KCNIP1: variants seen among roughly 807,000 people sequenced by gnomAD.
KCNIP1 encodes A-type potassium channel modulatory protein KCNIP1.
KCNIP1 carries 18 observed loss-of-function variants against 33.0 expected under a neutral mutation model. That is an observed-to-expected ratio of 0.55 (90% CI 0.38 to 0.81). The LOEUF is 0.81. Ranked by LOEUF, KCNIP1 falls within the 30% of genes least tolerant of loss-of-function variation. The probability of loss-of-function intolerance (pLI) is 0.00; values close to 1 mark genes in which losing one functional copy is unlikely to be tolerated. For synonymous variants in KCNIP1, 93 were observed against 98.3 expected, an observed-to-expected ratio of 0.95 and a Z score of 0.32; for missense variants, 238 against 271.6, an observed-to-expected ratio of 0.88 and a Z score of 0.87.
At chr5:170,632,391 C>T (rs1382223775) in intron 1 of KCNIP1, among the ~76,000 whole-genome samples, 1 of 152,244 alleles carries the variant, frequency 6.6e-6, no homozygotes, top group Non-Finnish European at 1.5e-5. Context: ...TTCACCACTG[C>T]CCCCTGGCGC....
chr5:170,633,175 C>A (rs1479285709), intron 1 of KCNIP1, among the ~76,000 whole-genome samples: 1 of 151,946 alleles, frequency 6.6e-6, no homozygotes, highest in Admixed American at 6.5e-5. Context: ...GGGGCTTGGG[C>A]GGTGTGGGGC....
At chr5:170,727,783 A>G (rs1468635392) in intron 5 of KCNIP1, among the ~76,000 whole-genome samples, 1 of 151,930 alleles carries the variant, frequency 6.6e-6, no homozygotes, top group East Asian at 1.9e-4. Flanking sequence ...CAAAACAAAA[A>G]TTTAAAAATT....
chr5:170,490,984 T>C (rs11134630), intron 1 of KCNIP1, among the ~76,000 whole-genome samples: 145,771 of 152,332 alleles, frequency 0.96, 69,780 homozygotes, highest in East Asian at 1. Flanking sequence ...CTCAGGCTGA[T>C]CCCTTCAGCC....
chr5:170,437,713 G>T (rs936233818), intron 1 of KCNIP1, among the ~76,000 whole-genome samples: 1 of 152,180 alleles, frequency 6.6e-6, no homozygotes, highest in African/African-American at 2.4e-5. Flanking sequence ...AGCCACTCTG[G>T]ACAGGGTCCA....
intron 1 of KCNIP1, among the ~76,000 whole-genome samples, chr5:170,441,712 T>A (rs916662988): frequency 1.7e-4 from 26 of 151,946 alleles, no homozygotes; most frequent in Admixed American, 8.5e-4. Context: ...ACGCCTGTAA[T>A]CCCAGCACTT....
chr5:170,516,105 T>A (rs1284798973), intron 1 of KCNIP1, among the ~76,000 whole-genome samples: 4 of 152,180 alleles, frequency 2.6e-5, no homozygotes, highest in Non-Finnish European at 5.9e-5. Flanking sequence ...AGAGTCAGGC[T>A]GTCCATGTTC....
At chr5:170,366,826 G>A (rs1240784689) in intron 1 of KCNIP1, among the ~76,000 whole-genome samples, 2 of 152,206 alleles carry the variant, frequency 1.3e-5, no homozygotes, top group Non-Finnish European at 2.9e-5. Flanking sequence ...CACAGCCGAT[G>A]ACTCATAGAC....
chr5:170,356,526 G>A (rs61451561), intron 1 of KCNIP1, among the ~76,000 whole-genome samples: 4,774 of 152,270 alleles, frequency 0.031, 260 homozygotes, highest in African/African-American at 0.11. Context: ...TTATTGCAGA[G>A]ATAAACTGCT....
rs867118779 is a variant in KCNIP1, at chr5:170,512,994, G to A, written c.61+8361G>A. Among the ~76,000 whole-genome samples the A allele has an allele frequency of 5.3e-5, 8 of 151,926 alleles. No homozygotes were observed. The South Asian group carries it at 1.7e-3, about 32-fold the overall frequency. On this transcript the variant is annotated intron_variant, in intron 1 of 7. Transcript: ENST00000328939. ...GAACCCAGGAGGTGGAGCTTGCAGT[G>A]AGCCGAGATCGCGCCACTGCACTCC...
Position 170,646,828 on chromosome 5 carries a change from A to G in KCNIP1, c.62-71930A>G, listed in dbSNP as rs963355000. ...GTTTCCAGATGACATGATTATCTGT[A>G]TAGAAAATTGAAAAGAATCAACAAC... On this transcript the variant is annotated intron_variant, in intron 1 of 7. Transcript: ENST00000328939. Among the ~76,000 whole-genome samples, 60 of 152,204 alleles carry G rather than the reference A, an allele frequency of 3.9e-4. 1 individual carries two copies. The highest frequency in any genetic ancestry group is 1.8e-4 in the Non-Finnish European group (12 of 68,004).
intron 1 of KCNIP1, among the ~76,000 whole-genome samples, chr5:170,461,890 CT>C (rs1269075623): frequency 1.3e-5 from 2 of 152,124 alleles, no homozygotes; most frequent in Non-Finnish European, 2.9e-5. Context: ...AGGAATAGTG[CT>C]GGGATAATTG....
rs896674301 is a variant in KCNIP1, at chr5:170,735,859, T to C, written c.*53T>C. On this transcript the variant is annotated 3_prime_UTR_variant, in exon 8 of 8. Transcript: ENST00000328939. ...AGAGACATTGTACTAAACAACCACC[T>C]TAACACCCTGATCTGCCCTTGTTCT... 3.4e-6 allele frequency: 5 copies of C among 1,468,516 alleles called. No individual in the cohort carries two copies. Among genetic ancestry groups the C allele is most frequent in the Admixed American group, 3.3e-5 (2 of 59,770 alleles). 91.0% of individuals were successfully genotyped at this position (1,468,516 alleles called of 1,614,324 possible).
chr5:170,623,221 T>C (rs1379279931), intron 1 of KCNIP1, among the ~76,000 whole-genome samples: 6 of 149,504 alleles, frequency 4.0e-5, no homozygotes, highest in Non-Finnish European at 7.4e-5. Flanking sequence ...TTTTTTTTTT[T>C]CTTTTTTTTG....
intron 1 of KCNIP1, among the ~76,000 whole-genome samples, chr5:170,582,971 A>G (rs1757851820): frequency 6.6e-6 from 1 of 152,196 alleles, no homozygotes; most frequent in African/African-American, 2.4e-5. Context: ...GTATTTGACA[A>G]CGGAGCTAGA....
intron 1 of KCNIP1, chr5:170,681,313 G>T (rs1762336487): frequency 2.6e-6 from 1 of 391,238 alleles, no homozygotes. Context: ...CTGAAACAGC[G>T]TGGTATTGGT....
intron 1 of KCNIP1, among the ~76,000 whole-genome samples, chr5:170,699,950 A>G (rs1763035056): frequency 6.6e-6 from 1 of 152,170 alleles, no homozygotes; most frequent in African/African-American, 2.4e-5. Flanking sequence ...CAGTTTTCCT[A>G]AAAATAACAA....
At chr5:170,592,771 T>C (rs1372378640) in intron 1 of KCNIP1, among the ~76,000 whole-genome samples, 1 of 152,166 alleles carries the variant, frequency 6.6e-6, no homozygotes, top group Non-Finnish European at 1.5e-5. Flanking sequence ...AAATTCTCAG[T>C]GGATTGTTTA....
Position 170,637,057 on chromosome 5 carries a change from C to G in KCNIP1, c.62-81701C>G, listed in dbSNP as rs555322787. The stretch of plus-strand genomic sequence containing the variant: ...TCAGAGTCCACTGAATGAAAGCATG[C>G]GTGCATTCAAAATAGACAGCCAATC... On this transcript the variant is annotated intron_variant, in intron 1 of 7. Transcript: ENST00000328939. 2.0e-5 allele frequency among the ~76,000 whole-genome samples: 3 copies of G among 152,120 alleles called. 1 individual carries two copies. In the South Asian group the frequency reaches 6.2e-4, roughly 32 times the overall value.
At chr5:170,679,681 T>C (rs2113790771) in intron 1 of KCNIP1, among the ~76,000 whole-genome samples, 1 of 149,960 alleles carries the variant, frequency 6.7e-6, no homozygotes, top group South Asian at 2.1e-4. Context: ...AATATTAAAA[T>C]AATATTAACA....
Sources: gnomAD v4.1 joint callset for allele counts (sites outside exome capture counted in the v4.1 genomes callset) on GRCh38, gnomAD v4.1.1 for gene constraint, MANE v1.5 for transcripts, NCBI Gene and HGNC (gene_info 2026-07-23, HGNC 2026-07-21) for gene names.